The following PRKAG2 variants were observed in gnomAD, a reference collection of about 807,000 sequenced individuals.
PRKAG2 encodes 5'-AMP-activated protein kinase subunit gamma-2.
A neutral mutation model predicts 69.6 loss-of-function variants in PRKAG2; 26 were observed. The observed-to-expected ratio is 0.37, with a 90% CI of 0.27 to 0.52. The LOEUF is 0.52. Among genes scored for constraint, PRKAG2 ranks in the 20% least tolerant of loss-of-function variants. The pLI, the probability that PRKAG2 is intolerant of heterozygous loss-of-function variation, is 0.90. For missense variants in PRKAG2, 557 were observed against 740.0 expected (o/e 0.75, Z 2.87); for synonymous variants, 293 against 285.0 (o/e 1.03, Z -0.28).
rs1486852222 is a variant in PRKAG2 at position 151,771,642 on chromosome 7, T to G, written c.466+9510A>C. Among the ~76,000 whole-genome samples the G allele has an allele frequency of 6.6e-6, 1 of 152,258 alleles. No homozygotes were observed. The highest frequency in any genetic ancestry group is 6.5e-5 in the Admixed American group (1 of 15,294). On this transcript the variant is annotated intron_variant, in intron 3 of 15. Coordinates refer to ENST00000287878, the MANE Select transcript of PRKAG2 (RefSeq NM_016203.4). The surrounding 1 kb of genome is among the most constrained non-coding windows in gnomAD (Gnocchi z 4.0). Reference sequence around the variant, plus strand: ...CCATTGAGTCATTCGCTTCACTGGTTTGTAAATATCTTTGTACATTAGGGA... The same window carrying G: ...CCATTGAGTCATTCGCTTCACTGGTGTGTAAATATCTTTGTACATTAGGGA...
At chr7:151,833,652 G>A (rs11764602) in intron 1 of PRKAG2, among the ~76,000 whole-genome samples, 31,387 of 152,218 alleles carry the variant, frequency 0.21, 3,902 homozygotes, top group Middle Eastern at 0.32. Flanking sequence ...TAACTCCAGC[G>A]GGCTTTTCAG....
intron 5 of PRKAG2, among the ~76,000 whole-genome samples, chr7:151,625,967 C>A: frequency 6.6e-6 from 1 of 152,052 alleles, no homozygotes; most frequent in African/African-American, 2.4e-5. Context: ...CACAGGGGTC[C>A]GAAGCATGGG....
chr7:151,830,962 AC>A (rs2079013283), intron 1 of PRKAG2, among the ~76,000 whole-genome samples: 1 of 151,804 alleles, frequency 6.6e-6, no homozygotes, highest in Admixed American at 6.6e-5. Context: ...TTCACGAATG[AC>A]CAATAAGTAT....
chr7:151,743,732 CA>C (rs2074060836), intron 3 of PRKAG2, among the ~76,000 whole-genome samples: 1 of 152,190 alleles, frequency 6.6e-6, no homozygotes, highest in Admixed American at 6.5e-5. Context: ...AACAGCAAGC[CA>C]GCTGCTGCTC....
intron 1 of PRKAG2, among the ~76,000 whole-genome samples, chr7:151,851,777 G>A (rs1418953042): frequency 1.3e-5 from 2 of 152,160 alleles, no homozygotes; most frequent in African/African-American, 4.8e-5. Flanking sequence ...CCCCTCCACA[G>A]CTCACGTCCA....
rs536068713 is a variant in PRKAG2, at chr7:151,644,431, A to G, written c.685-12293T>C. ...TTTCCTAGAATTTTGTGTATATGGA[A>G]TCATACAGTATATGTGCTTTTGCTC... On this transcript the variant is annotated intron_variant, in intron 4 of 15. Transcript: ENST00000287878. Among the ~76,000 whole-genome samples, 383 of 152,308 alleles carry G rather than the reference A, an allele frequency of 2.5e-3. 2 individuals are homozygous for G. The highest frequency in any genetic ancestry group is 4.0e-3 in the Non-Finnish European group (273 of 68,028).
At chr7:151,621,146 G>A (rs1165315100) in intron 5 of PRKAG2, among the ~76,000 whole-genome samples, 1 of 152,230 alleles carries the variant, frequency 6.6e-6, no homozygotes, top group Non-Finnish European at 1.5e-5. Context: ...TTAAATGTAA[G>A]ACTGATCGCT....
chr7:151,609,358 T>C (rs2727567), intron 5 of PRKAG2, among the ~76,000 whole-genome samples: 69,502 of 152,020 alleles, frequency 0.46, 19,101 homozygotes, highest in Non-Finnish European at 0.61. Context: ...TTCTTGGCCT[T>C]AATTCTATGA....
At chr7:151,840,923 C>CT (rs1034561886) in intron 1 of PRKAG2, among the ~76,000 whole-genome samples, 30 of 152,222 alleles carry the variant, frequency 2.0e-4, no homozygotes, top group African/African-American at 7.0e-4. Context: ...CACTGGAGCC[C>CT]AGGTGTTCAA....
At chr7:151,663,939 G>C (rs73728232) in intron 4 of PRKAG2, among the ~76,000 whole-genome samples, 170 of 152,342 alleles carry the variant, frequency 1.1e-3, no homozygotes, top group African/African-American at 3.8e-3. Flanking sequence ...GGCTTTGTGA[G>C]CCATATAGTC....
intron 6 of PRKAG2, among the ~76,000 whole-genome samples, chr7:151,582,105 GAATT>G (rs1218523516): frequency 2.0e-5 from 3 of 152,136 alleles, no homozygotes; most frequent in Admixed American, 1.3e-4. Context: ...ATGGAGGGAG[GAATT>G]AATTAATTTC....
chr7:151,672,228 A>G (rs1006951398), intron 4 of PRKAG2, among the ~76,000 whole-genome samples: 1 of 152,000 alleles, frequency 6.6e-6, no homozygotes, highest in East Asian at 1.9e-4. Flanking sequence ...CAGCCTCCCA[A>G]GTAGCTGGGA....
intron 1 of PRKAG2, among the ~76,000 whole-genome samples, chr7:151,797,271 C>T (rs1218639968): frequency 1.5e-5 from 2 of 135,030 alleles, no homozygotes; most frequent in East Asian, 2.4e-4. Flanking sequence ...CCACCGGGTA[C>T]ACACCCAGCG....
chr7:151,566,662 A>C, intron 11 of PRKAG2: 1 of 427,918 alleles, frequency 2.3e-6, no homozygotes, highest in Non-Finnish European at 4.6e-6. Context: ...CAAAATGTTC[A>C]AGTCAAAGAG....
chr7:151,756,380 A>T lies in PRKAG2; in HGVS notation c.466+24772T>A, dbSNP rs1476584322. On this transcript the variant is annotated intron_variant, in intron 3 of 15. Transcript: ENST00000287878. This position sits in a 1 kb window ranked among gnomAD's most constrained non-coding sequence, Gnocchi z 4.9. ...TCCTGTCCTTGCAATGCTGGGAGGG[A>T]CCCTAGATGGATTTGTGGGTGCATC... Among the ~76,000 whole-genome samples, 2 of 152,128 alleles carry T rather than the reference A, an allele frequency of 1.3e-5. No individual in the cohort carries two copies. Among genetic ancestry groups the T allele is most frequent in the Non-Finnish European group, 2.9e-5 (2 of 68,010 alleles).
At chr7:151,680,255 C>T (rs1468300891) in intron 3 of PRKAG2, among the ~76,000 whole-genome samples, 2 of 152,108 alleles carry the variant, frequency 1.3e-5, no homozygotes, top group Admixed American at 6.6e-5. Flanking sequence ...TACTAAGTGT[C>T]GGCTTATTCA....
At chr7:151,623,391 A>AAAT (rs1821997607) in intron 5 of PRKAG2, among the ~76,000 whole-genome samples, 2 of 142,894 alleles carry the variant, frequency 1.4e-5, no homozygotes, top group African/African-American at 5.2e-5. Context: ...AAAAAAAAAA[A>AAAT]GCTCATAAAG....
chr7:151,798,812 C>T (rs1282520331), intron 1 of PRKAG2, among the ~76,000 whole-genome samples: 4 of 152,148 alleles, frequency 2.6e-5, no homozygotes, highest in East Asian at 1.9e-4. Flanking sequence ...GACCCCTCTC[C>T]GTACTTTATG....
chr7:151,581,953 C>T (rs1178222719), intron 6 of PRKAG2, among the ~76,000 whole-genome samples: 1 of 152,198 alleles, frequency 6.6e-6, no homozygotes, highest in Non-Finnish European at 1.5e-5. Context: ...AACTGCCTAA[C>T]ACCAATTCTT....
Sources: allele counts gnomAD v4.1 joint callset (sites outside exome capture counted in the v4.1 genomes callset), GRCh38; gene constraint gnomAD v4.1.1; non-coding constraint Gnocchi (gnomAD v3.1); transcripts MANE v1.5; gene names NCBI Gene and HGNC (gene_info 2026-07-23, HGNC 2026-07-21).